The following CCSER1 variants were observed in gnomAD, a reference collection of about 807,000 sequenced individuals.
The protein encoded by CCSER1 is coiled-coil serine rich protein 1, also known as serine-rich coiled-coil domain-containing protein 1.
In CCSER1, 41 loss-of-function variants were observed where a neutral mutation model predicts 82.0. The observed-to-expected ratio is 0.50, with a 90% CI of 0.39 to 0.65. CCSER1 has a LOEUF of 0.65. CCSER1 is among the 30% of genes least tolerant of loss of function. The pLI is 0.00. For missense variants in CCSER1, 1,119 were observed against 1,064.2 expected, an observed-to-expected ratio of 1.05 and a Z score of -0.72; for synonymous variants, 414 against 383.9, an observed-to-expected ratio of 1.08 and a Z score of -0.92.
At chr4:91,155,318 C>G (rs1730705587) in intron 10 of CCSER1, among the ~76,000 whole-genome samples, 1 of 151,906 alleles carries the variant, frequency 6.6e-6, no homozygotes, top group South Asian at 2.1e-4. Context: ...GCCCTCTTCC[C>G]TGCTGCCATG....
At chr4:91,572,098 G>C (rs1017417432) in intron 10 of CCSER1, among the ~76,000 whole-genome samples, 1 of 152,048 alleles carries the variant, frequency 6.6e-6, no homozygotes, top group Non-Finnish European at 1.5e-5. Context: ...GGGTGACTGG[G>C]GACACAGAGC....
chr4:91,461,338 T>C (rs1295045515), intron 10 of CCSER1, among the ~76,000 whole-genome samples: 1 of 152,228 alleles, frequency 6.6e-6, no homozygotes, highest in African/African-American at 2.4e-5. Flanking sequence ...TATTACTGAT[T>C]GAATTCCATT....
chr4:90,324,473 G>T (rs1435877160), intron 3 of CCSER1, among the ~76,000 whole-genome samples: 1 of 149,360 alleles, frequency 6.7e-6, no homozygotes, highest in Non-Finnish European at 1.5e-5. Flanking sequence ...GTCTTCTTTT[G>T]AGAAGTGTCT....
intron 5 of CCSER1, 133 bp downstream of exon 5, chr4:90,468,487 T>C: frequency 1.3e-6 from 1 of 742,090 alleles, no homozygotes; most frequent in South Asian, 2.7e-5. Context: ...TAAAAAATCA[T>C]CTATTCTATA....
At chr4:91,005,954 T>C (rs1265646037) in intron 9 of CCSER1, among the ~76,000 whole-genome samples, 1 of 152,242 alleles carries the variant, frequency 6.6e-6, no homozygotes, top group African/African-American at 2.4e-5. Context: ...GCCAGTATCA[T>C]GTTGTTTTGG....
intron 10 of CCSER1, among the ~76,000 whole-genome samples, chr4:91,552,258 T>C (rs1294207251): frequency 1.3e-5 from 2 of 151,694 alleles, no homozygotes; most frequent in Non-Finnish European, 1.5e-5. Flanking sequence ...ATAAATGTAA[T>C]GAATAATTAG....
intron 1 of CCSER1, among the ~76,000 whole-genome samples, chr4:90,257,544 GATAGATAGATAGATAGATAC>G (rs1181628960): frequency 2.9e-4 from 44 of 150,158 alleles, no homozygotes; most frequent in African/African-American, 1.1e-3. Context: ...TAGATAGATA[GATAGATAGATAGATAGATAC>G]ATAGATACAT....
chr4:90,843,892 A>G (rs1027601682), intron 8 of CCSER1, among the ~76,000 whole-genome samples: 1 of 152,116 alleles, frequency 6.6e-6, no homozygotes, highest in African/African-American at 2.4e-5. Context: ...TGATGAGCCT[A>G]ATAACATTAC....
rs146485134 is a variant in CCSER1 at position 90,438,090 on chromosome 4, A to T, written c.1604-30144A>T. ...GTGAAATTAAAGAAATAGCACATTG[A>T]AAAAGCTTATTGCTATACTTGATAC... On this transcript the variant is annotated intron_variant, in intron 4 of 10. Coordinates refer to ENST00000509176, the MANE Select transcript of CCSER1 (RefSeq NM_001145065.2). Among the ~76,000 whole-genome samples the T allele has an allele frequency of 7.8e-4, 119 of 152,320 alleles. 1 individual carries two copies. The highest frequency in any genetic ancestry group is 2.7e-3 in the African/African-American group (113 of 41,590).
chr4:91,361,887 A>G (rs1749270585), intron 10 of CCSER1, among the ~76,000 whole-genome samples: 1 of 151,704 alleles, frequency 6.6e-6, no homozygotes, highest in Admixed American at 6.6e-5. Flanking sequence ...ATGAATGTAT[A>G]CTCTATATGA....
rs894992699 is a variant in CCSER1, at chr4:91,600,589, A to T, written c.*1532A>T. On this transcript the variant is annotated 3_prime_UTR_variant, in exon 11 of 11. Transcript: ENST00000509176. ...CTTGCTTAAATTAAAGCTGTGTGCA[A>T]AATGCATCTCCTATTATAAAAATGT... 2 of 152,160 alleles carry T rather than the reference A, an allele frequency of 1.3e-5. No individual in the cohort carries two copies. Among genetic ancestry groups the T allele is most frequent in the African/African-American group, 2.4e-5 (1 of 41,466 alleles). 9.4% of individuals were successfully genotyped at this position (152,160 alleles called of 1,614,324 possible).
intron 5 of CCSER1, among the ~76,000 whole-genome samples, chr4:90,537,722 G>T (rs569328417): frequency 6.6e-6 from 1 of 152,236 alleles, no homozygotes; most frequent in South Asian, 2.1e-4. Flanking sequence ...ATCTACTGGG[G>T]TTTTATACAA....
intron 10 of CCSER1, among the ~76,000 whole-genome samples, chr4:91,201,852 A>G (rs1184905548): frequency 1.3e-5 from 2 of 152,048 alleles, no homozygotes; most frequent in African/African-American, 4.8e-5. Context: ...CATAGTTGTC[A>G]TAATGACTCA....
chr4:90,668,889 G>T (rs62314394), intron 6 of CCSER1, among the ~76,000 whole-genome samples: 18,404 of 152,028 alleles, frequency 0.12, 1,231 homozygotes, highest in East Asian at 0.23. Context: ...AAAAGTATTT[G>T]ATTTAGTTTC....
intron 6 of CCSER1, among the ~76,000 whole-genome samples, chr4:90,666,885 C>G (rs1731890981): frequency 6.6e-6 from 1 of 152,112 alleles, no homozygotes; most frequent in Middle Eastern, 3.2e-3. Context: ...ATGGGAGCGT[C>G]AGACAGAGAT....
intron 5 of CCSER1, among the ~76,000 whole-genome samples, chr4:90,481,705 T>A (rs561982159): frequency 6.6e-5 from 10 of 152,352 alleles, no homozygotes; most frequent in Non-Finnish European, 1.5e-5. Flanking sequence ...CAGCCTTGCA[T>A]CCCAGGGATG....
chr4:90,295,945 A>AT (rs999230114), intron 1 of CCSER1, among the ~76,000 whole-genome samples: 3 of 151,458 alleles, frequency 2.0e-5, no homozygotes, highest in Non-Finnish European at 4.4e-5. Context: ...CTGTGATGAC[A>AT]TTTTTTTTGA....
At chr4:90,215,883 C>T (rs910021205) in intron 1 of CCSER1, among the ~76,000 whole-genome samples, 22 of 151,956 alleles carry the variant, frequency 1.4e-4, no homozygotes, top group Non-Finnish European at 2.8e-4. Context: ...AGGGCAGGGG[C>T]GAGGTGGGGG....
chr4:90,375,072 C>T (rs1748091693), intron 3 of CCSER1, among the ~76,000 whole-genome samples: 2 of 152,150 alleles, frequency 1.3e-5, no homozygotes, highest in South Asian at 4.1e-4. Flanking sequence ...CAGCTGTCAA[C>T]AGAAAAGGAT....
Sources: allele counts gnomAD v4.1 joint callset (sites outside exome capture counted in the v4.1 genomes callset), GRCh38; gene constraint gnomAD v4.1.1; transcripts MANE v1.5; gene names NCBI Gene and HGNC (gene_info 2026-07-23, HGNC 2026-07-21).